The following CDH12 variants were observed in gnomAD, a reference collection of about 807,000 sequenced individuals.
CDH12 encodes cadherin-12.
Under a neutral mutation model 74.1 loss-of-function variants are expected in CDH12, and 41 were observed. The ratio of observed to expected loss-of-function variants is 0.55; its 90% confidence interval spans 0.43 to 0.72. The LOEUF is 0.72. Ranked by LOEUF, CDH12 falls within the 30% of genes least tolerant of loss-of-function variation. The probability of loss-of-function intolerance (pLI) is 0.00; values close to 1 mark genes in which losing one functional copy is unlikely to be tolerated. For synonymous variants in CDH12, 399 were observed against 355.0 expected (o/e 1.12, Z -1.39); for missense variants, 945 against 977.2 (o/e 0.97, Z 0.44).
At chr5:22,156,279 G>T (rs1748019560) in intron 4 of CDH12, among the ~76,000 whole-genome samples, 1 of 152,012 alleles carries the variant, frequency 6.6e-6, no homozygotes, top group Admixed American at 6.6e-5. Context: ...ATACCACCTA[G>T]CTTAAATGGC....
chr5:22,019,059 C>CAAAA (rs67162958), intron 5 of CDH12, among the ~76,000 whole-genome samples: 14 of 147,580 alleles, frequency 9.5e-5, no homozygotes, highest in African/African-American at 3.5e-4. Context: ...GACTGTGTCT[C>CAAAA]AAAAAAAAAA....
rs114430245 is a variant in CDH12, at chr5:21,783,955, T to C, written c.1257-461A>G. ...AAAATAACATCATGGAAACAAACGGTAAATTTTTTTAACTGACAATTTGGT... is the reference window on the plus strand; with the variant it reads ...AAAATAACATCATGGAAACAAACGGCAAATTTTTTTAACTGACAATTTGGT... On this transcript the variant is annotated intron_variant, in intron 10 of 14. Coordinates refer to ENST00000382254, the MANE Select transcript of CDH12 (RefSeq NM_004061.5). Among the ~76,000 whole-genome samples, 635 of 152,282 alleles carry C rather than the reference T, an allele frequency of 4.2e-3. 6 individuals are homozygous for C. The highest frequency in any genetic ancestry group is 0.015 in the African/African-American group (611 of 41,574).
At chr5:22,552,336 A>G (rs1738609983) in intron 1 of CDH12, among the ~76,000 whole-genome samples, 1 of 152,110 alleles carries the variant, frequency 6.6e-6, no homozygotes. Flanking sequence ...ATTTCTAAGC[A>G]TTACAGGTCC....
At chr5:22,608,783 G>T (rs962082154) in intron 1 of CDH12, among the ~76,000 whole-genome samples, 2 of 152,220 alleles carry the variant, frequency 1.3e-5, no homozygotes, top group East Asian at 3.9e-4. Context: ...TTTATAAGTG[G>T]CTTCCTCTTT....
At chr5:22,828,258 C>A (rs569486873) in intron 1 of CDH12, among the ~76,000 whole-genome samples, 2 of 152,066 alleles carry the variant, frequency 1.3e-5, no homozygotes, top group South Asian at 4.2e-4. Context: ...TAAATAATAT[C>A]ATTATAGGTT....
intron 2 of CDH12, among the ~76,000 whole-genome samples, chr5:22,454,531 T>A (rs1745189580): frequency 6.6e-6 from 1 of 152,134 alleles, no homozygotes; most frequent in African/African-American, 2.4e-5. Flanking sequence ...TGGAGCACAG[T>A]GGTGTTCTCT....
chr5:22,800,905 C>T (rs1186589304), intron 1 of CDH12, among the ~76,000 whole-genome samples: 1 of 152,002 alleles, frequency 6.6e-6, no homozygotes, highest in Non-Finnish European at 1.5e-5. Context: ...AATACTATTC[C>T]ATTGTCTGAT....
intron 1 of CDH12, among the ~76,000 whole-genome samples, chr5:22,731,885 A>G (rs1744446100): frequency 6.6e-6 from 1 of 151,908 alleles, no homozygotes; most frequent in Non-Finnish European, 1.5e-5. Flanking sequence ...GCATAGTTGA[A>G]TTGCTTAAAC....
At position 22,607,999 on chromosome 5, in the gene CDH12, G is replaced by A. The variant is rs558379264; in HGVS notation, c.-522-102635C>T. Among the ~76,000 whole-genome samples the A allele has an allele frequency of 9.2e-5, 14 of 152,356 alleles. No individual in the cohort carries two copies. The East Asian group carries it at 2.5e-3, about 27-fold the overall frequency. On this transcript the variant is annotated intron_variant, in intron 1 of 14. Coordinates refer to ENST00000382254, the MANE Select transcript of CDH12 (RefSeq NM_004061.5). ...CTCATGGAGAACCTCCGCTAGAGTA[G>A]TGCAGAAGGGAAATGTGGGGTTGGA...
intron 5 of CDH12, among the ~76,000 whole-genome samples, chr5:22,041,760 A>G (rs956638065): frequency 7.9e-5 from 12 of 152,300 alleles, no homozygotes; most frequent in Non-Finnish European, 1.0e-4. Context: ...AATCAGACAG[A>G]GAAGTAATGA....
At chr5:22,321,286 C>A (rs934619628) in intron 3 of CDH12, among the ~76,000 whole-genome samples, 3 of 149,650 alleles carry the variant, frequency 2.0e-5, no homozygotes, top group Admixed American at 6.7e-5. Flanking sequence ...AAATGTGGCA[C>A]ATATACACCA....
At chr5:22,273,362 G>A (rs1487145820) in intron 3 of CDH12, among the ~76,000 whole-genome samples, 1 of 152,184 alleles carries the variant, frequency 6.6e-6, no homozygotes, top group Non-Finnish European at 1.5e-5. Context: ...ATGCAAGGTT[G>A]CCACAAACGT....
Position 22,232,174 on chromosome 5 carries a change from G to A in CDH12, c.-332-19531C>T, listed in dbSNP as rs200724028. ...ATTTTATTTTCTATTTGTTATTCGT[G>A]TGCTTAGTTTGTATTTAATCTTAAT... On this transcript the variant is annotated intron_variant, in intron 3 of 14. Coordinates refer to ENST00000382254, the MANE Select transcript of CDH12 (RefSeq NM_004061.5). Among the ~76,000 whole-genome samples the A allele has an allele frequency of 4.0e-5, 6 of 151,656 alleles. No homozygotes were observed. In the East Asian group the frequency reaches 1.2e-3, roughly 29 times the overall value.
intron 5 of CDH12, among the ~76,000 whole-genome samples, chr5:21,990,170 C>G (rs1347144695): frequency 6.6e-6 from 1 of 152,034 alleles, no homozygotes; most frequent in Non-Finnish European, 1.5e-5. Context: ...GTGTTTTCAC[C>G]AGATCAAACA....
At chr5:21,793,059 T>C (rs530126031) in intron 10 of CDH12, among the ~76,000 whole-genome samples, 2 of 151,884 alleles carry the variant, frequency 1.3e-5, no homozygotes, top group African/African-American at 4.8e-5. Context: ...GACTTGGTTG[T>C]CAGATCATTT....
At chr5:22,170,918 G>C (rs62349133) in intron 4 of CDH12, among the ~76,000 whole-genome samples, 50,576 of 151,672 alleles carry the variant, frequency 0.33, 10,284 homozygotes, top group Admixed American at 0.47. Flanking sequence ...GCAGTTGGTA[G>C]CAGTTAGTTT....
chr5:22,056,774 T>A (rs1242735309), intron 5 of CDH12, among the ~76,000 whole-genome samples: 1 of 152,168 alleles, frequency 6.6e-6, no homozygotes, highest in East Asian at 1.9e-4. Flanking sequence ...GATTCAGTAA[T>A]CCCCATGATA....
Position 21,975,378 on chromosome 5 carries a change from G to C in CDH12, c.239C>G (p.Ser80Cys), listed in dbSNP as rs767622250. The C allele has an allele frequency of 4.4e-6, 7 of 1,588,938 alleles. No individual in the cohort carries two copies. The highest frequency in any genetic ancestry group is 6.0e-6 in the Non-Finnish European group (7 of 1,176,438). Residue 80 changes from serine to cysteine, a missense_variant, in exon 6 of 15, where the codon TCC (serine) becomes TGC (cysteine). By Grantham distance (112) the Ser-to-Cys change is moderately radical. This residue lies in a region of CDH12 where 148 missense variants were observed against 162.8 expected (regional missense o/e 0.91). Transcript: ENST00000382254. ...AGTGCCCTCTCCCTTGTCTAAGTCG[G>C]AATGGAGCTTTAGGGAAGAGAAGGA... ...SEPQYVGKLH[S>C]DLDKGEGTVK...
intron 6 of CDH12, among the ~76,000 whole-genome samples, chr5:21,943,962 A>G (rs2910501): frequency 2.0e-5 from 3 of 152,168 alleles, no homozygotes; most frequent in Non-Finnish European, 2.9e-5. Context: ...AAAATAAGAA[A>G]TTAAGGCTGG....
Sources: gnomAD v4.1 joint callset for allele counts (sites outside exome capture counted in the v4.1 genomes callset) on GRCh38, gnomAD v4.1.1 for gene constraint, gnomAD v4.1.1 regional missense constraint, MANE v1.5 for transcripts, NCBI Gene and HGNC (gene_info 2026-07-23, HGNC 2026-07-21) for gene names.